ZNF648: variants seen among roughly 807,000 people sequenced by gnomAD.
ZNF648 encodes zinc finger protein 648.
A neutral mutation model predicts 0.3 loss-of-function variants in ZNF648; 1 was observed. The observed-to-expected ratio is 3.90, with a 90% CI of 1.39 to 18.51. ZNF648 has a LOEUF of 18.51. ZNF648 is among the 30% of genes most tolerant of loss of function. ZNF648 has a pLI of 0.11. For synonymous variants in ZNF648, 376 were observed against 326.8 expected (o/e 1.15, Z -1.62); for missense variants, 874 against 769.7 (o/e 1.14, Z -1.60).
rs562957275 is a variant in ZNF648, at chr1:182,057,990, C to T, written c.21G>A (p.Gln7=). The change falls in exon 2 of 2, where the codon CAG becomes CAA. Residue 7 remains glutamine, a synonymous_variant. Coordinates refer to ENST00000339948, the MANE Select transcript of ZNF648 (RefSeq NM_001009992.1). ...GAGGAGACGCCTCTCCCCACCTGTCCTGGGAGTCCACTTGTGCCATGATGT... is the reference window on the plus strand; with the variant it reads ...GAGGAGACGCCTCTCCCCACCTGTCTTGGGAGTCCACTTGTGCCATGATGT... MAQVDS[Q]DRWGEASPLS... is the part of the protein sequence containing the mutation. The T allele has an allele frequency of 6.2e-7, 1 of 1,608,966 alleles. No individual in the cohort carries two copies. The highest frequency in any genetic ancestry group is 2.2e-5 in the East Asian group (1 of 44,846).
In ZNF648 at chr1:182,056,627, G is replaced by T. The variant is rs1450885533; in HGVS notation, c.1384C>A (p.Arg462Ser). 6 of 1,611,340 alleles carry T rather than the reference G, an allele frequency of 3.7e-6. No individual in the cohort carries two copies. In the South Asian group the frequency reaches 5.5e-5, roughly 15 times the overall value. ...DCGVAFAQPS[R>S]LVRHQRIHTG... ...TGGATGCGCTGGTGGCGCACGAGGCGCGAGGGCTGCGCGAAGGCCACGCCG... is the reference window on the plus strand; with the variant it reads ...TGGATGCGCTGGTGGCGCACGAGGCTCGAGGGCTGCGCGAAGGCCACGCCG... The change falls in exon 2 of 2, where the codon CGC becomes AGC. Residue 462 changes from arginine (R) to serine (S), a missense_variant. Arg to Ser is a moderately radical substitution (Grantham distance 110). Coordinates refer to ENST00000339948, the MANE Select transcript of ZNF648 (RefSeq NM_001009992.1).
Position 182,056,613 on chromosome 1 carries a change from G to T in ZNF648, c.1398C>A (p.His466Gln). Residue 466 changes from histidine to glutamine, a missense_variant, in exon 2 of 2, where the codon CAC (histidine) becomes CAA (glutamine). Physicochemically the swap from His to Gln is conservative, Grantham distance 24 (BLOSUM62 0). Transcript: ENST00000339948. Reference protein sequence around the residue: ...AFAQPSRLVRHQRIHTGERPF... With the variant: ...AFAQPSRLVRQQRIHTGERPF... ...GCCTCTCGCCAGTGTGGATGCGCTG[G>T]TGGCGCACGAGGCGCGAGGGCTGCG... 6.2e-7 allele frequency: 1 copy of T among 1,613,282 alleles called. No individual in the cohort carries two copies. Among genetic ancestry groups the T allele is most frequent in the African/African-American group, 1.3e-5 (1 of 75,066 alleles).
chr1:182,061,942 C>T (rs73064613), upstream of ZNF648, among the ~76,000 whole-genome samples: 1,332 of 152,338 alleles, frequency 8.7e-3, 20 homozygotes, highest in African/African-American at 0.031. Context: ...CTTCCTTCCA[C>T]AGAGCAGTCC....
upstream of ZNF648, among the ~76,000 whole-genome samples, chr1:182,066,438 ATCT>A (rs1283607253): frequency 6.6e-6 from 1 of 152,216 alleles, no homozygotes; most frequent in Non-Finnish European, 1.5e-5. Flanking sequence ...ATACTATCTA[ATCT>A]TCTTCTTGCC....
In ZNF648 at chr1:182,056,173, A is replaced by G. The variant is rs1002600579; in HGVS notation, c.*131T>C. On this transcript the variant is annotated 3_prime_UTR_variant, in exon 2 of 2. Transcript: ENST00000339948. ...TGGTGACTTTCTGTTCAAGGGATCAAATAAATAATCAAATGGACCACTGAT... is the reference window on the plus strand; with the variant it reads ...TGGTGACTTTCTGTTCAAGGGATCAGATAAATAATCAAATGGACCACTGAT... 3 of 1,260,030 alleles carry G rather than the reference A, an allele frequency of 2.4e-6. No individual in the cohort carries two copies. The highest frequency in any genetic ancestry group is 3.2e-6 in the Non-Finnish European group (3 of 930,146). The allele number at this position is 1,260,030 out of a possible 1,614,324, so 78.1% of individuals were successfully genotyped here. A position where few individuals can be genotyped will look rare whatever the true frequency, so the allele number is the denominator to read the frequency against.
At position 182,056,990 on chromosome 1, in the gene ZNF648, C is replaced by T. The variant is rs756746888; in HGVS notation, c.1021G>A (p.Gly341Arg). 2 of 1,613,624 alleles carry T rather than the reference C, an allele frequency of 1.2e-6. No individual in the cohort carries two copies. Among genetic ancestry groups the T allele is most frequent in the Admixed American group, 1.7e-5 (1 of 60,000 alleles). The stretch of plus-strand genomic sequence containing the variant: ...TCCGAAGAGCGCACGAAGGCCTTCC[C>T]GCAGTCTGGACACGGGTAGGGTTTC... ...GEKPYPCPDC[G>R]KAFVRSSDLR... Residue 341 changes from glycine to arginine, a missense_variant, in exon 2 of 2, where the codon GGG becomes AGG. By Grantham distance (125) the Gly-to-Arg change is moderately radical. Transcript: ENST00000339948.
At chr1:182,062,034 A>T (rs1002983533), upstream of ZNF648, among the ~76,000 whole-genome samples, 7 of 152,168 alleles carry the variant, frequency 4.6e-5, no homozygotes, top group Admixed American at 2.0e-4. Context: ...TCCCTCCTGG[A>T]AGGCAGAACA....
rs1222017639 is a variant in ZNF648 at position 182,055,596 on chromosome 1, G to C, written c.*708C>G. 1 of 152,158 alleles carries C rather than the reference G, an allele frequency of 6.6e-6. No homozygotes were observed. Among genetic ancestry groups the C allele is most frequent in the Non-Finnish European group, 1.5e-5 (1 of 68,038 alleles). The allele number at this position is 152,158 out of a possible 1,614,324, so 9.4% of individuals were successfully genotyped here. The stretch of plus-strand genomic sequence containing the variant: ...CTAAATTCCACTATAAAGAGGAATG[G>C]GCTTCTTTTTCAGATGCTAAGGCTG... On this transcript the variant is annotated 3_prime_UTR_variant, in exon 2 of 2. Transcript: ENST00000339948. The surrounding 1 kb of genome is among the most constrained non-coding windows in gnomAD (Gnocchi z 4.1).
Position 182,056,516 on chromosome 1 carries a change from A to C in ZNF648, c.1495T>G (p.Ser499Ala). ...GCACAGAGGAATCCCTTCTCCCCGG[A>C]GTGGATCTGTTGGTGCCGCTTCAGG... is the stretch of plus-strand genomic sequence containing the variant. ...STLKRHQQIHSGEKGFLCAEC... is the reference protein window; with the variant it reads ...STLKRHQQIHAGEKGFLCAEC... The change falls in exon 2 of 2, where the codon TCC (serine) becomes GCC (alanine). Residue 499 changes from serine to alanine, a missense_variant. By Grantham distance (99) the Ser-to-Ala change is moderately conservative. Transcript: ENST00000339948. The C allele has an allele frequency of 6.2e-7, 1 of 1,613,726 alleles. No homozygotes were observed. Among genetic ancestry groups the C allele is most frequent in the Non-Finnish European group, 8.5e-7 (1 of 1,179,894 alleles).
upstream of ZNF648, among the ~76,000 whole-genome samples, chr1:182,066,503 A>G (rs527331186): frequency 5.1e-4 from 78 of 152,334 alleles, no homozygotes; most frequent in African/African-American, 1.8e-3. Context: ...TAAGTGGCCA[A>G]TACATGGTGG....
intron 1 of ZNF648, among the ~76,000 whole-genome samples, chr1:182,059,642 G>A (rs1248306901): frequency 6.6e-6 from 1 of 151,988 alleles, no homozygotes; most frequent in Non-Finnish European, 1.5e-5. Context: ...CGAGGCAGAC[G>A]GATGATGAGG....
Position 182,057,845 on chromosome 1 carries a change from T to C in ZNF648, c.166A>G (p.Arg56Gly). The change falls in exon 2 of 2, where the codon AGG becomes GGG. Residue 56 changes from arginine (R) to glycine (G), a missense_variant. By Grantham distance (125) the Arg-to-Gly change is moderately radical. Coordinates refer to ENST00000339948, the MANE Select transcript of ZNF648 (RefSeq NM_001009992.1). Reference protein sequence around the residue: ...EGTADPVACPRGSSPVTHENP... With the variant: ...EGTADPVACPGGSSPVTHENP... ...TCGTGTGTTACTGGGGAGCTGCCCC[T>C]TGGACAGGCCACCGGGTCAGCGGTG... 3 of 1,614,186 alleles carry C rather than the reference T, an allele frequency of 1.9e-6. No individual in the cohort carries two copies. The highest frequency in any genetic ancestry group is 2.5e-6 in the Non-Finnish European group (3 of 1,180,022).
In ZNF648 at chr1:182,057,177, GC is replaced by G. The variant is rs1233885980; in HGVS notation, c.833del (p.Arg278ProfsTer94). The G allele has an allele frequency of 6.3e-7, 1 of 1,583,900 alleles. No homozygotes were observed. Among genetic ancestry groups the G allele is most frequent in the East Asian group, 2.3e-5 (1 of 44,002 alleles). On this transcript the variant is annotated frameshift_variant, in exon 2 of 2. Coordinates refer to ENST00000339948, the MANE Select transcript of ZNF648 (RefSeq NM_001009992.1). LOFTEE classifies it low-confidence loss of function (END_TRUNC). ...CCTTCCCGCATAGCTCGCACGCGTA[GC>G]GCTTGGCGGCGCCGCCGCGCGTCTC... ...PAETRGGAAK[R>X]YACELCGKAY...
chr1:182,065,486 C>T (rs537634538), upstream of ZNF648, among the ~76,000 whole-genome samples: 2 of 152,332 alleles, frequency 1.3e-5, no homozygotes, highest in East Asian at 3.9e-4. Flanking sequence ...GAAACCGTAA[C>T]AACCGAGTAA....
rs1042178501 is a variant in ZNF648 at position 182,057,394 on chromosome 1, G to T, written c.617C>A (p.Thr206Lys). The change falls in exon 2 of 2, where the codon ACA becomes AAA. Residue 206 changes from threonine (T) to lysine (K), a missense_variant. Transcript: ENST00000339948. ...GSNWDLPTQE[T>K]HTPAQASATP... The stretch of plus-strand genomic sequence containing the variant: ...GGCCGACGCCTGGGCTGGTGTATGT[G>T]TCTCTTGCGTGGGAAGGTCCCAGTT... 1.9e-6 allele frequency: 3 copies of T among 1,613,618 alleles called. No homozygotes were observed. Among genetic ancestry groups the T allele is most frequent in the Non-Finnish European group, 2.5e-6 (3 of 1,180,022 alleles).
In ZNF648 at chr1:182,057,559, CCAT is replaced by C; in HGVS notation, c.449_451del (p.Asp150del). The stretch of plus-strand genomic sequence containing the variant: ...TGCGTCCTGGTTTGCCCCCGAGTAT[CCAT>C]CATCACCCGCAGGTAGTCGGTCCCC... On this transcript the variant is annotated inframe_deletion, in exon 2 of 2. Coordinates refer to ENST00000339948, the MANE Select transcript of ZNF648 (RefSeq NM_001009992.1). The C allele has an allele frequency of 6.2e-7, 1 of 1,614,224 alleles. No homozygotes were observed. The highest frequency in any genetic ancestry group is 1.1e-5 in the South Asian group (1 of 91,084).
At chr1:182,059,940 T>C (rs913835003) in intron 1 of ZNF648, among the ~76,000 whole-genome samples, 1 of 152,188 alleles carries the variant, frequency 6.6e-6, no homozygotes, top group Non-Finnish European at 1.5e-5. Flanking sequence ...GGGGTTTCTC[T>C]CTAATTTTAA....
chr1:182,066,167 G>T (rs1666094877), upstream of ZNF648, among the ~76,000 whole-genome samples: 1 of 152,350 alleles, frequency 6.6e-6, no homozygotes, highest in African/African-American at 2.4e-5. Context: ...GAAAACAAGG[G>T]TCTGCCCGCC....
At chr1:182,060,579 T>G (rs1666016926) in intron 1 of ZNF648, among the ~76,000 whole-genome samples, 1 of 152,066 alleles carries the variant, frequency 6.6e-6, no homozygotes, top group Non-Finnish European at 1.5e-5. Context: ...GGACCACTCC[T>G]CTTCTCTCAC....
Sources: gnomAD v4.1 joint callset for allele counts (sites outside exome capture counted in the v4.1 genomes callset) on GRCh38, gnomAD v4.1.1 for gene constraint, Gnocchi (gnomAD v3.1) non-coding constraint, MANE v1.5 for transcripts, NCBI Gene and HGNC (gene_info 2026-07-23, HGNC 2026-07-21) for gene names.